MTUS2: variants seen among roughly 807,000 people sequenced by gnomAD.
MTUS2 encodes microtubule associated scaffold protein 2.
Under a neutral mutation model 114.1 loss-of-function variants are expected in MTUS2, and 40 were observed. The ratio of observed to expected loss-of-function variants is 0.35; its 90% CI spans 0.27 to 0.46. The LOEUF is 0.46. Among genes scored for constraint, MTUS2 ranks in the 20% least tolerant of loss-of-function variants. The probability of loss-of-function intolerance (pLI) is 1.00; values close to 1 mark genes in which losing one functional copy is unlikely to be tolerated. For synonymous variants in MTUS2, 688 were observed against 672.0 expected (o/e 1.02, Z -0.37); for missense variants, 1,679 against 1,705.4 (o/e 0.98, Z 0.27).
intron 2 of MTUS2, among the ~76,000 whole-genome samples, chr13:28,979,770 C>T (rs549093186): frequency 1.7e-4 from 26 of 152,170 alleles, no homozygotes; most frequent in African/African-American, 6.0e-4. Context: ...CCCAGTTTCC[C>T]AGAATACACT....
intron 5 of MTUS2, among the ~76,000 whole-genome samples, chr13:29,134,826 T>C (rs1389015954): frequency 2.0e-5 from 3 of 152,318 alleles, no homozygotes; most frequent in Non-Finnish European, 4.4e-5. Context: ...TCTCAGGTGA[T>C]GCGCCCGCCT....
At chr13:29,111,011 A>G (rs1333038427) in intron 5 of MTUS2, among the ~76,000 whole-genome samples, 2 of 152,212 alleles carry the variant, frequency 1.3e-5, no homozygotes, top group African/African-American at 4.8e-5. Flanking sequence ...GATTTTTATC[A>G]TAAAGTTCAG....
At chr13:29,491,620 T>C (rs1192116628) in intron 11 of MTUS2, among the ~76,000 whole-genome samples, 1 of 148,672 alleles carries the variant, frequency 6.7e-6, no homozygotes, top group Non-Finnish European at 1.5e-5. Flanking sequence ...ATATAGTGTG[T>C]GTATGTGATT....
At position 29,503,334 on chromosome 13, in the gene MTUS2, G is replaced by T. The variant is rs1883037225; in HGVS notation, c.*128G>T. 2.9e-6 allele frequency: 3 copies of T among 1,033,644 alleles called. No homozygotes were observed. The highest frequency in any genetic ancestry group is 4.3e-6 in the Non-Finnish European group (3 of 704,342). The allele number at this position is 1,033,644 out of a possible 1,614,324, so 64.0% of individuals were successfully genotyped here. On this transcript the variant is annotated 3_prime_UTR_variant, in exon 16 of 16. Transcript: ENST00000612955. ...CAGTAGCTGCGAATGCATCCTAGGC[G>T]CGTCCTCCTCTGATCCCCGTGTAAG...
chr13:28,962,201 G>A (rs1883361711), intron 2 of MTUS2, among the ~76,000 whole-genome samples: 1 of 151,870 alleles, frequency 6.6e-6, no homozygotes, highest in South Asian at 2.1e-4. Context: ...GGAAAAGCGT[G>A]TATGTGTATA....
chr13:29,306,474 A>T (rs776120443), intron 6 of MTUS2, among the ~76,000 whole-genome samples: 1 of 152,230 alleles, frequency 6.6e-6, no homozygotes, highest in Non-Finnish European at 1.5e-5. Flanking sequence ...AAAAATTGCT[A>T]GCATTCCTAT....
At chr13:29,338,097 C>T (rs889392843) in intron 7 of MTUS2, among the ~76,000 whole-genome samples, 7 of 151,754 alleles carry the variant, frequency 4.6e-5, no homozygotes, top group African/African-American at 9.7e-5. Flanking sequence ...TGGCCATGAC[C>T]GGACCATCTT....
intron 5 of MTUS2, among the ~76,000 whole-genome samples, chr13:29,234,666 T>C (rs1426896539): frequency 6.6e-6 from 1 of 152,206 alleles, no homozygotes; most frequent in African/African-American, 2.4e-5. Context: ...TGCTGAGATC[T>C]CCTTCTGTAC....
chr13:29,428,421 C>T (rs1254592658), intron 8 of MTUS2, among the ~76,000 whole-genome samples: 4 of 152,230 alleles, frequency 2.6e-5, no homozygotes, highest in Non-Finnish European at 5.9e-5. Flanking sequence ...GGTGCGGAGG[C>T]GCATCCCCGC....
chr13:29,105,347 A>G (rs1890612174), intron 5 of MTUS2, among the ~76,000 whole-genome samples: 2 of 152,220 alleles, frequency 1.3e-5, no homozygotes, highest in Non-Finnish European at 2.9e-5. Context: ...CTTAGGTTTC[A>G]TAAATTAATC....
chr13:29,138,135 G>C (rs1335309031), intron 5 of MTUS2, among the ~76,000 whole-genome samples: 4 of 152,290 alleles, frequency 2.6e-5, no homozygotes, highest in South Asian at 4.1e-4. Flanking sequence ...GTTGTGTTCA[G>C]ATTGCTCTAG....
intron 4 of MTUS2, among the ~76,000 whole-genome samples, chr13:29,052,440 C>T (rs552727716): frequency 1.4e-5 from 2 of 143,412 alleles, no homozygotes; most frequent in African/African-American, 5.2e-5. Flanking sequence ...GAGATCACAC[C>T]ACTGCATGCT....
At chr13:28,890,355 G>A (rs1878846090) in intron 2 of MTUS2, among the ~76,000 whole-genome samples, 1 of 152,116 alleles carries the variant, frequency 6.6e-6, no homozygotes, top group Admixed American at 6.5e-5. Context: ...CATACTGTTT[G>A]GATTTGATAA....
intron 8 of MTUS2, among the ~76,000 whole-genome samples, chr13:29,379,803 C>A (rs1872064123): frequency 1.3e-5 from 2 of 152,100 alleles, no homozygotes; most frequent in African/African-American, 4.8e-5. Flanking sequence ...TACTCTTTAC[C>A]TAAAAGCAAA....
chr13:29,438,321 A>T (rs1456786890), intron 8 of MTUS2, among the ~76,000 whole-genome samples: 2 of 152,278 alleles, frequency 1.3e-5, no homozygotes, highest in Non-Finnish European at 2.9e-5. Context: ...ATGAGATGGG[A>T]GGTGTCCGTT....
intron 5 of MTUS2, among the ~76,000 whole-genome samples, chr13:29,266,304 G>T (rs547191867): frequency 6.6e-6 from 1 of 152,280 alleles, no homozygotes; most frequent in Admixed American, 6.5e-5. Context: ...TAAGCAACTT[G>T]TCCAAAGTCA....
At chr13:29,396,605 T>G (rs1411575689) in intron 8 of MTUS2, among the ~76,000 whole-genome samples, 1 of 152,238 alleles carries the variant, frequency 6.6e-6, no homozygotes, top group Non-Finnish European at 1.5e-5. Context: ...ACTGCATTCT[T>G]GTCATATAGT....
At chr13:28,945,043 A>G (rs1882445729) in intron 2 of MTUS2, among the ~76,000 whole-genome samples, 1 of 152,064 alleles carries the variant, frequency 6.6e-6, no homozygotes, top group South Asian at 2.1e-4. Flanking sequence ...CATACACATT[A>G]TTTAGCTCTG....
chr13:29,143,231 G>A (rs1349059178), intron 5 of MTUS2, among the ~76,000 whole-genome samples: 2 of 152,164 alleles, frequency 1.3e-5, no homozygotes, highest in Non-Finnish European at 1.5e-5. Flanking sequence ...GAAGGCTTAA[G>A]CCTAGCTTTC....
Sources: gnomAD v4.1 joint callset for allele counts (sites outside exome capture counted in the v4.1 genomes callset) on GRCh38, gnomAD v4.1.1 for gene constraint, MANE v1.5 for transcripts, NCBI Gene and HGNC (gene_info 2026-07-23, HGNC 2026-07-21) for gene names.